TBC1D5: variants seen among roughly 807,000 people sequenced by gnomAD.
The protein encoded by TBC1D5 is TBC1 domain family member 5.
TBC1D5 carries 75 observed loss-of-function variants against 100.3 expected under a neutral mutation model. That is an observed-to-expected ratio of 0.75 (90% confidence interval 0.62 to 0.91). The LOEUF (loss-of-function observed/expected upper bound fraction) is 0.91, where lower values mean the gene tolerates loss of function less well. Among genes scored for constraint, TBC1D5 ranks in the 40% least tolerant of loss-of-function variants. The probability of loss-of-function intolerance (pLI) is 0.00; values close to 1 mark genes in which losing one functional copy is unlikely to be tolerated. For synonymous variants in TBC1D5, 323 were observed against 325.6 expected (o/e 0.99, Z 0.09); for missense variants, 910 against 942.4 (o/e 0.97, Z 0.45).
chr3:17,565,487 A>G (rs1430760618), intron 2 of TBC1D5, among the ~76,000 whole-genome samples: 2 of 152,148 alleles, frequency 1.3e-5, no homozygotes, highest in Non-Finnish European at 2.9e-5. Flanking sequence ...CTATTGAAAT[A>G]AAAGTCTTTC....
chr3:17,415,449 G>GA lies in TBC1D5; in HGVS notation c.168-8924dup, dbSNP rs570759986. Among the ~76,000 whole-genome samples the GA allele has an allele frequency of 2.3e-3, 345 of 151,740 alleles. 1 individual carries two copies. Among genetic ancestry groups the GA allele is most frequent in the African/African-American group, 8.0e-3 (331 of 41,412 alleles). On this transcript the variant is annotated intron_variant, in intron 4 of 21. Coordinates refer to ENST00000253692, the Ensembl canonical transcript of TBC1D5. Reference sequence around the variant, plus strand: ...GGCTGGAATACTCTCTTCTTTAAAGGAAAAAACAAAACAAAAACAAACAAA... The same window carrying GA: ...GGCTGGAATACTCTCTTCTTTAAAGGAAAAAAACAAAACAAAAACAAACAAA...
At chr3:17,193,868 C>T (rs1461687330) in intron 18 of TBC1D5, among the ~76,000 whole-genome samples, 2 of 152,210 alleles carry the variant, frequency 1.3e-5, no homozygotes, top group East Asian at 3.8e-4. Flanking sequence ...TGTTCTATAA[C>T]TATTAGCACT....
intron 2 of TBC1D5, among the ~76,000 whole-genome samples, chr3:17,509,492 G>A (rs2153231913): frequency 6.6e-6 from 1 of 152,006 alleles, no homozygotes; most frequent in South Asian, 2.1e-4. Flanking sequence ...CATTAACAAT[G>A]GATGTTTCCT....
At chr3:17,520,832 T>C (rs576436340) in intron 2 of TBC1D5, among the ~76,000 whole-genome samples, 1 of 152,188 alleles carries the variant, frequency 6.6e-6, no homozygotes, top group African/African-American at 2.4e-5. Flanking sequence ...GTATTTTATC[T>C]GACAACCCTA....
intron 4 of TBC1D5, among the ~76,000 whole-genome samples, chr3:17,422,781 A>T (rs2094243636): frequency 1.3e-5 from 2 of 152,192 alleles, no homozygotes; most frequent in Non-Finnish European, 2.9e-5. Flanking sequence ...GATACATACG[A>T]ATCTTTGTGC....
intron 2 of TBC1D5, among the ~76,000 whole-genome samples, chr3:17,581,329 T>A (rs1271480008): frequency 3.9e-5 from 6 of 152,166 alleles, no homozygotes; most frequent in Admixed American, 6.6e-5. Context: ...TATATACCTT[T>A]AAATACCATC....
chr3:17,185,123 A>C, exon 19 of TBC1D5: 3 of 1,612,284 alleles, frequency 1.9e-6, no homozygotes, highest in Non-Finnish European at 2.5e-6. Flanking sequence ...ATGAGTGTCC[A>C]TCACCTTTGC....
chr3:17,425,056 T>A (rs1325806695), intron 4 of TBC1D5, among the ~76,000 whole-genome samples: 2 of 152,212 alleles, frequency 1.3e-5, no homozygotes, highest in Non-Finnish European at 2.9e-5. Context: ...TTGTAAAACA[T>A]ATTTTTTCCT....
intron 2 of TBC1D5, among the ~76,000 whole-genome samples, chr3:17,600,803 C>T (rs2060881895): frequency 6.6e-6 from 1 of 152,056 alleles, no homozygotes; most frequent in African/African-American, 2.4e-5. Flanking sequence ...GGCACCTAGC[C>T]CTTAGGACAT....
intron 2 of TBC1D5, among the ~76,000 whole-genome samples, chr3:17,591,473 A>T (rs1278435919): frequency 6.6e-6 from 1 of 152,082 alleles, no homozygotes; most frequent in African/African-American, 2.4e-5. Context: ...CACTGGGGAA[A>T]GAGAAATGAT....
chr3:17,177,337 T>C (rs1207915851), intron 19 of TBC1D5, among the ~76,000 whole-genome samples: 1 of 152,182 alleles, frequency 6.6e-6, no homozygotes, highest in Non-Finnish European at 1.5e-5. Flanking sequence ...AGGAAGATGC[T>C]GACCAATTGT....
chr3:17,268,998 T>C (rs2079102025), intron 15 of TBC1D5, among the ~76,000 whole-genome samples: 1 of 152,150 alleles, frequency 6.6e-6, no homozygotes, highest in East Asian at 1.9e-4. Flanking sequence ...CATCAGGACC[T>C]ATAGGGATCC....
At chr3:17,203,608 G>A (rs1349933621) in intron 18 of TBC1D5, among the ~76,000 whole-genome samples, 3 of 152,134 alleles carry the variant, frequency 2.0e-5, no homozygotes, top group African/African-American at 7.2e-5. Flanking sequence ...GGAGGTGACT[G>A]GATCATGAGG....
intron 1 of TBC1D5, among the ~76,000 whole-genome samples, chr3:17,693,013 C>T (rs1577520131): frequency 6.6e-6 from 1 of 152,176 alleles, no homozygotes; most frequent in East Asian, 1.9e-4. Context: ...GCATATGAGG[C>T]TCTGCACTGC....
intron 1 of TBC1D5, among the ~76,000 whole-genome samples, chr3:17,701,751 A>G (rs1385984837): frequency 6.6e-6 from 1 of 152,192 alleles, no homozygotes; most frequent in Non-Finnish European, 1.5e-5. Flanking sequence ...AAAAACTGAG[A>G]GTAAAGATGC....
At chr3:17,619,294 A>G (rs888791558) in intron 2 of TBC1D5, among the ~76,000 whole-genome samples, 5 of 152,228 alleles carry the variant, frequency 3.3e-5, no homozygotes, top group African/African-American at 1.2e-4. Flanking sequence ...AAAAAGTTCA[A>G]GAAAAACTGG....
intron 13 of TBC1D5, among the ~76,000 whole-genome samples, chr3:17,326,418 G>A (rs1402746728): frequency 6.6e-6 from 1 of 152,116 alleles, no homozygotes; most frequent in Admixed American, 6.5e-5. Context: ...AGAGTAAAAT[G>A]TGCTTGCTCC....
Position 17,275,621 on chromosome 3 carries a change from G to A in TBC1D5, c.1245+16274C>T, listed in dbSNP as rs182264062. Among the ~76,000 whole-genome samples the A allele has an allele frequency of 9.9e-5, 15 of 152,236 alleles. No individual in the cohort carries two copies. The East Asian group carries it at 2.9e-3, about 29-fold the overall frequency. ...CAAGACTTGATTATATCCCTTGTAT[G>A]ATTAATATATATCTAACAAAAGAAG... On this transcript the variant is annotated intron_variant, in intron 15 of 21. Transcript: ENST00000253692.
intron 2 of TBC1D5, among the ~76,000 whole-genome samples, chr3:17,577,988 T>C (rs754638515): frequency 2.6e-5 from 4 of 151,886 alleles, no homozygotes; most frequent in Non-Finnish European, 5.9e-5. Flanking sequence ...AGCAAGTGAA[T>C]GAGAAAATGC....
Sources: allele counts gnomAD v4.1 joint callset (sites outside exome capture counted in the v4.1 genomes callset), GRCh38; gene constraint gnomAD v4.1.1; transcripts MANE v1.5; gene names NCBI Gene and HGNC (gene_info 2026-07-23, HGNC 2026-07-21).